Variants in SSBP2 observed in about 807,000 individuals in gnomAD.
SSBP2 encodes the protein single-stranded DNA-binding protein 2.
Under a neutral mutation model 61.8 loss-of-function variants are expected in SSBP2, and 17 were observed. The ratio of observed to expected loss-of-function variants is 0.28; its 90% CI spans 0.19 to 0.41. SSBP2 has a LOEUF of 0.41. SSBP2 is among the 10% of genes least tolerant of loss of function. SSBP2 has a pLI of 1.00. For missense variants in SSBP2, 310 were observed against 458.7 expected, an observed-to-expected ratio of 0.68 and a Z score of 2.96; for synonymous variants, 139 against 141.3, an observed-to-expected ratio of 0.98 and a Z score of 0.12.
intron 4 of SSBP2, among the ~76,000 whole-genome samples, chr5:81,528,276 C>G (rs950681631): frequency 6.6e-6 from 1 of 151,944 alleles, no homozygotes; most frequent in Admixed American, 6.6e-5. Context: ...TAATAAGTAT[C>G]TTAAATCTAA....
At chr5:81,729,015 T>C (rs1029528912) in intron 1 of SSBP2, among the ~76,000 whole-genome samples, 7 of 152,182 alleles carry the variant, frequency 4.6e-5, no homozygotes, top group Admixed American at 4.6e-4. Context: ...TAAAAAATGA[T>C]AGGTAAGAGA....
chr5:81,591,552 AGCAT>A (rs1775503749), intron 4 of SSBP2, among the ~76,000 whole-genome samples: 1 of 152,204 alleles, frequency 6.6e-6, no homozygotes, highest in Admixed American at 6.5e-5. Flanking sequence ...GTGGACCACA[AGCAT>A]GAAAAAATGG....
intron 15 of SSBP2, among the ~76,000 whole-genome samples, chr5:81,434,248 T>C (rs1762525044): frequency 6.6e-6 from 1 of 152,164 alleles, no homozygotes; most frequent in Non-Finnish European, 1.5e-5. Context: ...ATACACAACA[T>C]TTAAAATGGA....
At position 81,749,295 on chromosome 5, in the gene SSBP2, C is replaced by A. The variant is rs531436498; in HGVS notation, c.62+1686G>T. On this transcript the variant is annotated intron_variant, in intron 1 of 16. Transcript: ENST00000320672. Reference sequence around the variant, plus strand: ...ATCTCTTGCAAAAAAACAAAAAAGCCTCTCTAATTTTTGTTTTGTTTTGTT... The same window carrying A: ...ATCTCTTGCAAAAAAACAAAAAAGCATCTCTAATTTTTGTTTTGTTTTGTT... Among the ~76,000 whole-genome samples, 31 of 151,512 alleles carry A rather than the reference C, an allele frequency of 2.0e-4. 2 individuals are homozygous for A. In the East Asian group the frequency reaches 5.8e-3, roughly 28 times the overall value.
At chr5:81,501,506 C>A (rs2154070792) in intron 5 of SSBP2, among the ~76,000 whole-genome samples, 1 of 149,026 alleles carries the variant, frequency 6.7e-6, no homozygotes, top group East Asian at 2.0e-4. Context: ...TTACTGTGCA[C>A]AAAGGGTATT....
intron 10 of SSBP2, among the ~76,000 whole-genome samples, chr5:81,450,686 C>A (rs1331157506): frequency 6.6e-6 from 1 of 152,194 alleles, no homozygotes; most frequent in Non-Finnish European, 1.5e-5. Flanking sequence ...TCTTGCATCA[C>A]AATTCCACCA....
intron 14 of SSBP2, among the ~76,000 whole-genome samples, chr5:81,439,774 C>T (rs1003092649): frequency 1.0e-4 from 15 of 150,576 alleles, no homozygotes; most frequent in Admixed American, 1.0e-3. Flanking sequence ...CGGGTTCAAG[C>T]GATTCTCCTG....
chr5:81,440,833 A>G (rs1436463156), intron 13 of SSBP2, among the ~76,000 whole-genome samples, 197 bp from the exon 14 acceptor site: 1 of 152,126 alleles, frequency 6.6e-6, no homozygotes, highest in Non-Finnish European at 1.5e-5. Context: ...TGTTTTCTCT[A>G]TGTTCCACAT....
intron 1 of SSBP2, among the ~76,000 whole-genome samples, chr5:81,667,121 C>T (rs1751200760): frequency 6.6e-6 from 1 of 152,086 alleles, no homozygotes; most frequent in South Asian, 2.1e-4. Flanking sequence ...AGGTGGAGTC[C>T]TATCATCATC....
chr5:81,480,336 T>C (rs1037101861), intron 6 of SSBP2, among the ~76,000 whole-genome samples: 1 of 152,364 alleles, frequency 6.6e-6, no homozygotes. Context: ...AAGTGAGTCA[T>C]ATGAATTTTT....
chr5:81,700,744 T>C (rs960624768), intron 1 of SSBP2, among the ~76,000 whole-genome samples: 2 of 152,238 alleles, frequency 1.3e-5, no homozygotes, highest in Admixed American at 6.5e-5. Flanking sequence ...TTTTATATTA[T>C]GGAGACGGGT....
intron 4 of SSBP2, among the ~76,000 whole-genome samples, chr5:81,565,569 T>C (rs1299494955): frequency 2.6e-5 from 4 of 152,180 alleles, no homozygotes; most frequent in African/African-American, 9.6e-5. Flanking sequence ...TAACCACAAG[T>C]TTGTCTATGT....
At chr5:81,459,099 G>A (rs1415362878) in intron 10 of SSBP2, among the ~76,000 whole-genome samples, 1 of 152,192 alleles carries the variant, frequency 6.6e-6, no homozygotes, top group Non-Finnish European at 1.5e-5. Flanking sequence ...GTGGACAGCA[G>A]TTTGATGTGT....
chr5:81,548,730 G>A (rs4599515), intron 4 of SSBP2, among the ~76,000 whole-genome samples: 62,206 of 151,914 alleles, frequency 0.41, 15,864 homozygotes, highest in African/African-American at 0.73. Context: ...AGACCACCCT[G>A]GCTAACACAG....
At chr5:81,595,686 C>T (rs1743657851) in intron 4 of SSBP2, among the ~76,000 whole-genome samples, 1 of 152,164 alleles carries the variant, frequency 6.6e-6, no homozygotes, top group African/African-American at 2.4e-5. Context: ...GCTGGTTCAA[C>T]ATATGCAAAT....
intron 4 of SSBP2, among the ~76,000 whole-genome samples, chr5:81,530,683 T>G (rs915741667): frequency 2.6e-5 from 4 of 152,046 alleles, no homozygotes; most frequent in Non-Finnish European, 1.5e-5. Flanking sequence ...AGTGTACATA[T>G]TATAATCTTT....
intron 4 of SSBP2, among the ~76,000 whole-genome samples, chr5:81,516,968 T>C (rs760399693): frequency 1.1e-4 from 16 of 152,130 alleles, no homozygotes; most frequent in Non-Finnish European, 1.6e-4. Flanking sequence ...GCATGTATTA[T>C]TACTCTATGA....
intron 4 of SSBP2, among the ~76,000 whole-genome samples, chr5:81,544,528 A>G (rs956051627): frequency 6.6e-6 from 1 of 152,212 alleles, no homozygotes; most frequent in African/African-American, 2.4e-5. Context: ...CTTTGGAGAA[A>G]TAGTACAACT....
intron 4 of SSBP2, among the ~76,000 whole-genome samples, chr5:81,517,810 A>G (rs917205577): frequency 1.3e-5 from 2 of 152,020 alleles, no homozygotes; most frequent in African/African-American, 4.8e-5. Flanking sequence ...CCTATTTTAT[A>G]TTTTTGTCCT....
Sources: allele counts gnomAD v4.1 joint callset (sites outside exome capture counted in the v4.1 genomes callset), GRCh38; gene constraint gnomAD v4.1.1; transcripts MANE v1.5; gene names NCBI Gene and HGNC (gene_info 2026-07-23, HGNC 2026-07-21).